Variants in ADAMTS3 observed in about 807,000 individuals in gnomAD.
The protein encoded by ADAMTS3 is A disintegrin and metalloproteinase with thrombospondin motifs 3.
ADAMTS3 carries 73 observed loss-of-function variants against 129.0 expected under a neutral mutation model. The ratio of observed to expected loss-of-function variants is 0.57; its 90% CI spans 0.47 to 0.69. ADAMTS3 has a LOEUF of 0.69. ADAMTS3 is among the 30% of genes least tolerant of loss of function. ADAMTS3 has a pLI of 0.00. For synonymous variants in ADAMTS3, 477 were observed against 510.8 expected (o/e 0.93, Z 0.89); for missense variants, 1,457 against 1,514.5 (o/e 0.96, Z 0.63).
At chr4:72,511,256 C>G (rs1033203947) in intron 3 of ADAMTS3, among the ~76,000 whole-genome samples, 1 of 152,006 alleles carries the variant, frequency 6.6e-6, no homozygotes, top group African/African-American at 2.4e-5. Context: ...GCACAAGCAA[C>G]CAAAGCAAAA....
chr4:72,490,179 G>A (rs887574733), intron 3 of ADAMTS3, among the ~76,000 whole-genome samples: 3 of 151,670 alleles, frequency 2.0e-5, no homozygotes, highest in African/African-American at 4.8e-5. Flanking sequence ...ATGTCTATTC[G>A]GATCTTTGCC....
intron 3 of ADAMTS3, among the ~76,000 whole-genome samples, chr4:72,500,937 A>G (rs1199641222): frequency 6.6e-6 from 1 of 151,922 alleles, no homozygotes; most frequent in Non-Finnish European, 1.5e-5. Flanking sequence ...ATGTGGCTTT[A>G]TTTCTGAGTT....
intron 3 of ADAMTS3, among the ~76,000 whole-genome samples, chr4:72,461,517 G>A (rs551037958): frequency 6.6e-6 from 1 of 151,794 alleles, no homozygotes; most frequent in South Asian, 2.1e-4. Context: ...AATATACTCA[G>A]GCAATGGATA....
Position 72,311,175 on chromosome 4 carries a change from T to C in ADAMTS3, c.1928A>G (p.Lys643Arg). The C allele has an allele frequency of 6.2e-7, 1 of 1,610,016 alleles. No homozygotes were observed. The highest frequency in any genetic ancestry group is 1.1e-5 in the South Asian group (1 of 90,374). Residue 643 changes from lysine to arginine, a missense_variant, in exon 14 of 22, where the codon AAA (lysine) becomes AGA (arginine). Transcript: ENST00000286657. Reference protein sequence around the residue: ...WLPYEHPDPKKRCHLYCQSKE... With the variant: ...WLPYEHPDPKRRCHLYCQSKE... ...GGACTGACAGTAAAGGTGGCATCTT[T>C]TCTTGGCTGCATAAGATGGAGGATA... is the stretch of plus-strand genomic sequence containing the variant.
At chr4:72,360,364 C>A (rs78752179) in intron 4 of ADAMTS3, among the ~76,000 whole-genome samples, 1,621 of 152,092 alleles carry the variant, frequency 0.011, 24 homozygotes, top group African/African-American at 0.037. Flanking sequence ...TCATAAAATT[C>A]TACAATAATT....
chr4:72,361,851 C>T (rs2109856007), intron 4 of ADAMTS3, among the ~76,000 whole-genome samples: 1 of 152,154 alleles, frequency 6.6e-6, no homozygotes, highest in East Asian at 1.9e-4. Flanking sequence ...ATTAAGTCTA[C>T]ATAAATTACA....
chr4:72,316,935 G>A (rs1171905808), intron 10 of ADAMTS3, among the ~76,000 whole-genome samples: 1 of 152,052 alleles, frequency 6.6e-6, no homozygotes. Flanking sequence ...AACAGCACAA[G>A]ACTAGAGTCT....
At chr4:72,512,179 G>A (rs1720333761) in intron 3 of ADAMTS3, among the ~76,000 whole-genome samples, 1 of 152,054 alleles carries the variant, frequency 6.6e-6, no homozygotes. Context: ...TAAGTAGAAA[G>A]AATAAATAAG....
chr4:72,303,239 G>A (rs1004900954), intron 17 of ADAMTS3, among the ~76,000 whole-genome samples: 4 of 152,010 alleles, frequency 2.6e-5, no homozygotes, highest in Non-Finnish European at 5.9e-5. Context: ...CTCTCCTCTA[G>A]GTAGTGGCCC....
At chr4:72,481,562 A>T (rs1178262415) in intron 3 of ADAMTS3, among the ~76,000 whole-genome samples, 1 of 152,166 alleles carries the variant, frequency 6.6e-6, no homozygotes, top group Non-Finnish European at 1.5e-5. Context: ...TTGACCACAG[A>T]TTTAAATGTA....
chr4:72,356,212 A>G (rs1338032761), intron 4 of ADAMTS3, among the ~76,000 whole-genome samples: 2 of 152,006 alleles, frequency 1.3e-5, no homozygotes, highest in African/African-American at 4.8e-5. Context: ...AAAATGTAGA[A>G]GAATGAAAAA....
intron 4 of ADAMTS3, among the ~76,000 whole-genome samples, chr4:72,395,061 A>G (rs2109898414): frequency 6.6e-6 from 1 of 152,032 alleles, no homozygotes; most frequent in South Asian, 2.1e-4. Flanking sequence ...AGTAGCTAGG[A>G]TTACAGGCAT....
intron 3 of ADAMTS3, among the ~76,000 whole-genome samples, chr4:72,493,121 C>G (rs1378935365): frequency 2.0e-5 from 3 of 151,870 alleles, no homozygotes; most frequent in African/African-American, 7.2e-5. Context: ...CTAAAGTGAA[C>G]CTCTTATAGA....
Position 72,314,855 on chromosome 4 carries a change from G to A in ADAMTS3, c.1599+1003C>T, listed in dbSNP as rs139261814. The stretch of plus-strand genomic sequence containing the variant: ...ACAGTTTATACACATTTGAAATTGA[G>A]CTTTAAAAGAAGTAAATGCCATATA... On this transcript the variant is annotated intron_variant, in intron 11 of 21. Coordinates refer to ENST00000286657, the MANE Select transcript of ADAMTS3 (RefSeq NM_014243.3). Among the ~76,000 whole-genome samples the A allele has an allele frequency of 2.0e-5, 3 of 152,232 alleles. No individual in the cohort carries two copies. The East Asian group carries it at 5.8e-4, about 29-fold the overall frequency.
At chr4:72,402,289 T>A (rs1031806806) in intron 4 of ADAMTS3, among the ~76,000 whole-genome samples, 1 of 152,196 alleles carries the variant, frequency 6.6e-6, no homozygotes, top group Non-Finnish European at 1.5e-5. Flanking sequence ...TTCTAGATCA[T>A]TCACTATAAT....
chr4:72,338,992 T>A (rs1720059020), intron 5 of ADAMTS3, among the ~76,000 whole-genome samples: 1 of 152,166 alleles, frequency 6.6e-6, no homozygotes, highest in African/African-American at 2.4e-5. Flanking sequence ...TATTAATAAA[T>A]ATATTACCTT....
chr4:72,431,046 A>C (rs1722686253), intron 3 of ADAMTS3, among the ~76,000 whole-genome samples: 1 of 151,874 alleles, frequency 6.6e-6, no homozygotes, highest in African/African-American at 2.4e-5. Flanking sequence ...TTTTTTTGTT[A>C]GACTTATTAG....
intron 3 of ADAMTS3, among the ~76,000 whole-genome samples, chr4:72,495,604 C>A (rs992724647): frequency 5.9e-5 from 9 of 152,062 alleles, no homozygotes; most frequent in Non-Finnish European, 1.3e-4. Flanking sequence ...GGTAAGGCTA[C>A]AAAGTTTAAC....
At chr4:72,367,849 C>CAAAAAAAAA (rs35388186) in intron 4 of ADAMTS3, among the ~76,000 whole-genome samples, 1 of 125,692 alleles carries the variant, frequency 8.0e-6, no homozygotes, top group Admixed American at 8.0e-5. Context: ...GACTCTGTGT[C>CAAAAAAAAA]AAAAAAAAAA....
Sources: gnomAD v4.1 joint callset for allele counts (sites outside exome capture counted in the v4.1 genomes callset) on GRCh38, gnomAD v4.1.1 for gene constraint, MANE v1.5 for transcripts, NCBI Gene and HGNC (gene_info 2026-07-23, HGNC 2026-07-21) for gene names.